Variants in ROBO1 observed in about 807,000 individuals in gnomAD.
The protein encoded by ROBO1 is roundabout homolog 1.
In ROBO1, 149 loss-of-function variants were observed where a neutral mutation model predicts 195.9. The observed-to-expected ratio is 0.76, with a 90% CI of 0.67 to 0.87. ROBO1 has a LOEUF of 0.87. ROBO1 is among the 40% of genes least tolerant of loss of function. The pLI is 0.00. For missense variants in ROBO1, 1,933 were observed against 2,068.3 expected (o/e 0.93, Z 1.27); for synonymous variants, 816 against 733.2 (o/e 1.11, Z -1.82).
At chr3:79,724,803 G>A (rs1330990159) in intron 1 of ROBO1, among the ~76,000 whole-genome samples, 1 of 152,156 alleles carries the variant, frequency 6.6e-6, no homozygotes, top group Non-Finnish European at 1.5e-5. Flanking sequence ...AAGCCACAAA[G>A]TTTTGGGGTA....
At chr3:79,045,987 G>T (rs2078583658) in intron 3 of ROBO1, among the ~76,000 whole-genome samples, 5 of 152,098 alleles carry the variant, frequency 3.3e-5, no homozygotes, top group African/African-American at 1.2e-4. Flanking sequence ...TATTGTGGTA[G>T]GTAGTCTCTA....
intron 2 of ROBO1, among the ~76,000 whole-genome samples, chr3:79,335,261 G>A (rs376626503): frequency 2.2e-4 from 33 of 152,136 alleles, no homozygotes; most frequent in East Asian, 1.4e-3. Flanking sequence ...TTTATATAGC[G>A]TATCAGAGAA....
intron 2 of ROBO1, among the ~76,000 whole-genome samples, chr3:79,463,291 C>T (rs1937755820): frequency 6.6e-6 from 1 of 151,736 alleles, no homozygotes; most frequent in Non-Finnish European, 1.5e-5. Context: ...AGGAGAATGG[C>T]GTGAACCCAG....
intron 2 of ROBO1, among the ~76,000 whole-genome samples, chr3:79,448,618 T>C (rs2039345056): frequency 6.6e-6 from 1 of 152,158 alleles, no homozygotes; most frequent in Non-Finnish European, 1.5e-5. Context: ...AGAGGGTAGT[T>C]TTCCTCACCG....
At chr3:78,956,390 G>A (rs183889490) in intron 3 of ROBO1, among the ~76,000 whole-genome samples, 12 of 151,898 alleles carry the variant, frequency 7.9e-5, no homozygotes, top group East Asian at 1.9e-4. Flanking sequence ...GTATTTTAAC[G>A]CAACTTTGAA....
chr3:79,489,841 A>C (rs1254279319), intron 2 of ROBO1, among the ~76,000 whole-genome samples: 1 of 152,116 alleles, frequency 6.6e-6, no homozygotes, highest in Non-Finnish European at 1.5e-5. Flanking sequence ...CCAAGTCAGC[A>C]ATCCCAGTGT....
intron 1 of ROBO1, among the ~76,000 whole-genome samples, chr3:79,667,460 G>T (rs1946507501): frequency 6.6e-6 from 1 of 151,724 alleles, no homozygotes. Context: ...GTGTAAAAAT[G>T]ACCCATACAC....
At chr3:78,613,304 G>A (rs537577405) in intron 28 of ROBO1, among the ~76,000 whole-genome samples, 2 of 152,244 alleles carry the variant, frequency 1.3e-5, no homozygotes, top group East Asian at 1.9e-4. Flanking sequence ...TCAGTGAGAA[G>A]CACTCTCTTC....
intron 4 of ROBO1, among the ~76,000 whole-genome samples, chr3:78,824,483 A>G (rs1307186282): frequency 1.3e-5 from 2 of 152,184 alleles, no homozygotes; most frequent in African/African-American, 4.8e-5. Context: ...TGAACAAAAT[A>G]TATTTGTCAT....
At chr3:79,302,308 T>C (rs1190923806) in intron 2 of ROBO1, among the ~76,000 whole-genome samples, 2 of 152,246 alleles carry the variant, frequency 1.3e-5, no homozygotes, top group Non-Finnish European at 2.9e-5. Flanking sequence ...TTCTCTCCAA[T>C]ATACACTCTG....
intron 1 of ROBO1, among the ~76,000 whole-genome samples, chr3:79,646,034 T>A (rs923135679): frequency 6.6e-6 from 1 of 152,082 alleles, no homozygotes; most frequent in Admixed American, 6.6e-5. Context: ...AGATTTTTCA[T>A]GTGAGACCTC....
At chr3:78,962,269 A>T (rs1427095255) in intron 3 of ROBO1, among the ~76,000 whole-genome samples, 1 of 152,204 alleles carries the variant, frequency 6.6e-6, no homozygotes, top group East Asian at 1.9e-4. Context: ...GTGAATCTTG[A>T]AAGTGGAATG....
chr3:79,191,278 G>A (rs2108755800), intron 2 of ROBO1, among the ~76,000 whole-genome samples: 1 of 151,238 alleles, frequency 6.6e-6, no homozygotes, highest in South Asian at 2.1e-4. Context: ...TTTACATAAG[G>A]CATACCATCA....
chr3:78,948,290 G>A (rs968874989), intron 3 of ROBO1, among the ~76,000 whole-genome samples: 1 of 152,146 alleles, frequency 6.6e-6, no homozygotes, highest in African/African-American at 2.4e-5. Context: ...ACCAAATCCA[G>A]CAGCAAATCA....
At chr3:79,469,552 C>T (rs1301981083) in intron 2 of ROBO1, among the ~76,000 whole-genome samples, 1 of 152,172 alleles carries the variant, frequency 6.6e-6, no homozygotes, top group East Asian at 1.9e-4. Context: ...TAGAAATCAG[C>T]AGCCGGATTT....
chr3:79,002,039 T>C (rs2077517330), intron 3 of ROBO1, among the ~76,000 whole-genome samples: 1 of 152,122 alleles, frequency 6.6e-6, no homozygotes, highest in South Asian at 2.1e-4. Flanking sequence ...TTGGATACTT[T>C]AGTTCTGTAA....
intron 8 of ROBO1, among the ~76,000 whole-genome samples, chr3:78,707,089 A>C (rs1465481775): frequency 6.6e-6 from 1 of 152,184 alleles, no homozygotes; most frequent in African/African-American, 2.4e-5. Flanking sequence ...TGTTTTACTG[A>C]AAGTTATAAT....
chr3:79,244,261 T>C (rs1310462300), intron 2 of ROBO1, among the ~76,000 whole-genome samples: 1 of 152,118 alleles, frequency 6.6e-6, no homozygotes, highest in Non-Finnish European at 1.5e-5. Context: ...CCTCTGACTA[T>C]TTGCTCCTCA....
At chr3:78,660,955 C>A in intron 16 of ROBO1, 75 bp downstream of exon 16, 1 of 980,240 alleles carries the variant, frequency 1.0e-6, no homozygotes. Flanking sequence ...AACATTATAA[C>A]AATTTAAATT....
Sources: allele counts gnomAD v4.1 joint callset (sites outside exome capture counted in the v4.1 genomes callset), GRCh38; gene constraint gnomAD v4.1.1; transcripts MANE v1.5; gene names NCBI Gene and HGNC (gene_info 2026-07-23, HGNC 2026-07-21).